The following CEP290 variants were observed in gnomAD, a reference collection of about 807,000 sequenced individuals.
CEP290 encodes centrosomal protein of 290 kDa.
Under a neutral mutation model 344.9 loss-of-function variants are expected in CEP290, and 317 were observed. The ratio of observed to expected loss-of-function variants is 0.92; its 90% confidence interval spans 0.84 to 1.01. CEP290 has a LOEUF of 1.01. Among genes scored for constraint, CEP290 ranks in the 50% least tolerant of loss-of-function variants. The pLI, the probability that CEP290 is intolerant of heterozygous loss-of-function variation, is 0.00. For missense variants in CEP290, 2,754 were observed against 2,761.4 expected (o/e 1.00, Z 0.06); for synonymous variants, 932 against 895.8 (o/e 1.04, Z -0.72).
intron 44 of CEP290, among the ~76,000 whole-genome samples, chr12:88,066,470 T>G (rs1315177781): frequency 3.2e-5 from 1 of 31,030 alleles, no homozygotes; most frequent in Admixed American, 4.4e-4. Context: ...CAGCTAATTG[T>G]TTCTTTTTTT....
intron 6 of CEP290, among the ~76,000 whole-genome samples, chr12:88,134,652 C>T (rs77704802): frequency 0.039 from 5,983 of 152,272 alleles, 369 homozygotes; most frequent in African/African-American, 0.13. Flanking sequence ...TGGGCAATTA[C>T]TCTTTCTGTG....
chr12:88,121,344 A>T (rs1330726855), intron 13 of CEP290, among the ~76,000 whole-genome samples, 178 bp from the exon 14 acceptor site: 2 of 152,162 alleles, frequency 1.3e-5, no homozygotes, highest in African/African-American at 4.8e-5. Flanking sequence ...TTTACTAAAA[A>T]ACTGAAGTTC....
intron 5 of CEP290, 141 bp downstream of exon 5, chr12:88,139,004 T>C (rs2040489792): frequency 7.5e-6 from 4 of 532,046 alleles, no homozygotes; most frequent in African/African-American, 2.0e-5. Flanking sequence ...AATAGGCATG[T>C]AGAACATATA....
intron 41 of CEP290, 24 bp from the exon 42 acceptor site, chr12:88,071,950 G>C (rs2035411254): frequency 1.3e-6 from 2 of 1,540,014 alleles, no homozygotes; most frequent in Non-Finnish European, 1.7e-6. Context: ...GAAGGAGGTA[G>C]GAAAATTACC....
intron 25 of CEP290, chr12:88,103,216 A>G (rs2038031641): frequency 3.0e-6 from 1 of 337,240 alleles, no homozygotes; most frequent in Admixed American, 4.8e-5. Context: ...TAATCATAAT[A>G]AAAATAAAAT....
In CEP290 at chr12:88,130,260, C is replaced by T. The variant is rs768408897; in HGVS notation, c.669+8G>A. 2 of 1,592,840 alleles carry T rather than the reference C, an allele frequency of 1.3e-6. No homozygotes were observed. Among genetic ancestry groups the T allele is most frequent in the South Asian group, 2.3e-5 (2 of 85,620 alleles). On this transcript the variant is annotated splice_region_variant and intron_variant, in intron 9 of 53. Transcript: ENST00000552810. ...CCATTGCTCTGAATTGACTTCTAGC[C>T]ATTTTACCTGAATTTCATCAAGATA...
At chr12:88,064,485 C>A (rs1302896431) in intron 44 of CEP290, among the ~76,000 whole-genome samples, 1 of 152,072 alleles carries the variant, frequency 6.6e-6, no homozygotes, top group Non-Finnish European at 1.5e-5. Flanking sequence ...TTACCCTCCA[C>A]ATTTATATAT....
chr12:88,136,464 G>C (rs942240023), intron 6 of CEP290, 179 bp downstream of exon 6: 1 of 606,848 alleles, frequency 1.6e-6, no homozygotes, highest in African/African-American at 1.9e-5. Context: ...TTCACTAGAA[G>C]TACCATTATA....
chr12:88,053,604 A>C, intron 52 of CEP290, 48 bp downstream of exon 52: 1 of 966,022 alleles, frequency 1.0e-6, no homozygotes, highest in Non-Finnish European at 1.6e-6. Context: ...AGGCAAACCC[A>C]AATTCAAAAA....
intron 26 of CEP290, among the ~76,000 whole-genome samples, chr12:88,097,594 TAC>T (rs775122104): frequency 5.9e-5 from 7 of 118,764 alleles, no homozygotes; most frequent in African/African-American, 1.8e-4. Context: ...CATATATATA[TAC>T]ACACACACAC....
chr12:88,131,330 CTCG>C, intron 6 of CEP290, 112 bp from the exon 7 acceptor site: 1 of 670,096 alleles, frequency 1.5e-6, no homozygotes, highest in Non-Finnish European at 2.4e-6. Context: ...GTGGTGCGAT[CTCG>C]GCTCACTGCA....
At chr12:88,094,776 TA>T (rs1318549057) in intron 27 of CEP290, among the ~76,000 whole-genome samples, 1 of 152,254 alleles carries the variant, frequency 6.6e-6, no homozygotes, top group East Asian at 1.9e-4. Context: ...CTGATGTGTT[TA>T]GGGTAGCCAA....
intron 30 of CEP290, 22 bp downstream of exon 30, chr12:88,090,706 G>A: frequency 7.3e-7 from 1 of 1,360,782 alleles, no homozygotes; most frequent in Admixed American, 2.1e-5. Flanking sequence ...ATTCTATGTA[G>A]AAGAGCCAAT....
intron 41 of CEP290, among the ~76,000 whole-genome samples, chr12:88,073,984 G>C (rs888485800): frequency 2.6e-5 from 4 of 151,962 alleles, no homozygotes; most frequent in African/African-American, 4.8e-5. Flanking sequence ...CAGCACTTTG[G>C]GGGGCCAAGG....
rs779178851 is a variant in CEP290, at chr12:88,089,314, G to C, written c.3747C>G (p.Leu1249=). ...TTCTTCCCTCCAAACGAGCATAATA[G>C]AGAGCCTGTTCTTTTTCATCAAGTT... ...EQKLDEKEQA[L]YYARLEGRNR... The change falls in exon 31 of 54, where the codon CTC becomes CTG. Residue 1249 remains leucine (L), a synonymous_variant. Transcript: ENST00000552810. 6.2e-7 allele frequency: 1 copy of C among 1,613,938 alleles called. No individual in the cohort carries two copies. Among genetic ancestry groups the C allele is most frequent in the Non-Finnish European group, 8.5e-7 (1 of 1,179,886 alleles).
At chr12:88,126,781 A>G (rs1029003259) in intron 11 of CEP290, among the ~76,000 whole-genome samples, 1 of 152,102 alleles carries the variant, frequency 6.6e-6, no homozygotes, top group African/African-American at 2.4e-5. Flanking sequence ...TATGCATTAA[A>G]ATGCAACCAA....
intron 32 of CEP290, among the ~76,000 whole-genome samples, chr12:88,086,888 T>C (rs1487641763): frequency 1.3e-5 from 2 of 152,212 alleles, no homozygotes; most frequent in Non-Finnish European, 2.9e-5. Context: ...AACCAGTAAG[T>C]ATGTAATACG....
At chr12:88,122,779 A>G (rs550076298) in intron 13 of CEP290, among the ~76,000 whole-genome samples, 1 of 152,296 alleles carries the variant, frequency 6.6e-6, no homozygotes, top group Non-Finnish European at 1.5e-5. Context: ...CAAATATAAT[A>G]AACACATAAA....
In CEP290 at chr12:88,084,767, C is replaced by T. The variant is rs568197175; in HGVS notation, c.4523G>A (p.Arg1508Gln). 35 of 1,613,520 alleles carry T rather than the reference C, an allele frequency of 2.2e-5. No individual in the cohort carries two copies. The highest frequency in any genetic ancestry group is 2.0e-4 in the East Asian group (9 of 44,858). Residue 1508 changes from arginine to glutamine, a missense_variant, in exon 35 of 54, where the codon CGA (arginine) becomes CAA (glutamine). Transcript: ENST00000552810. Reference sequence around the variant, plus strand: ...TTCTCTTTCTGCAGTGGCAGGCAATCGAAGCCTCAGTTCATTGATTACTTT... The same window carrying T: ...TTCTCTTTCTGCAGTGGCAGGCAATTGAAGCCTCAGTTCATTGATTACTTT... ...RDKVINELRL[R>Q]LPATAEREKL...
Sources: gnomAD v4.1 joint callset for allele counts (sites outside exome capture counted in the v4.1 genomes callset) on GRCh38, gnomAD v4.1.1 for gene constraint, MANE v1.5 for transcripts, NCBI Gene and HGNC (gene_info 2026-07-23, HGNC 2026-07-21) for gene names.